The following CAPN2 variants were observed in gnomAD, a reference collection of about 807,000 sequenced individuals.
CAPN2 encodes calpain 2.
CAPN2 carries 92 observed loss-of-function variants against 102.3 expected under a neutral mutation model. The ratio of observed to expected loss-of-function variants is 0.90; its 90% confidence interval spans 0.76 to 1.07. CAPN2 has a LOEUF of 1.07. Ranked by LOEUF, CAPN2 falls within the 50% of genes least tolerant of loss-of-function variation. The pLI is 0.00. For synonymous variants in CAPN2, 340 were observed against 355.4 expected (o/e 0.96, Z 0.49); for missense variants, 800 against 909.4 (o/e 0.88, Z 1.55).
rs952150473 is a variant in CAPN2 at position 223,731,822 on chromosome 1, T to C, written c.308-12278T>C. ...GCATCTGGGAGTCTGGGCTGCCCCG[T>C]AGCAGCTCTGTGTTCTGCCTGCTCT... On this transcript the variant is annotated intron_variant, in intron 2 of 20. Transcript: ENST00000295006. The surrounding 1 kb of genome is among the most constrained non-coding windows in gnomAD (Gnocchi z 4.2). Among the ~76,000 whole-genome samples the C allele has an allele frequency of 6.6e-6, 1 of 152,180 alleles. No individual in the cohort carries two copies. The highest frequency in any genetic ancestry group is 2.4e-5 in the African/African-American group (1 of 41,450).
Position 223,775,918 on chromosome 1 carries a change from A to ACTT in CAPN2, c.*1062_*1064dup, listed in dbSNP as rs1661607362. 1 of 152,642 alleles carries ACTT rather than the reference A, an allele frequency of 6.6e-6. No individual in the cohort carries two copies. The allele number at this position is 152,642 out of a possible 1,614,324, so 9.5% of individuals were successfully genotyped here. A position where few individuals can be genotyped will look rare whatever the true frequency, so the allele number is the denominator to read the frequency against. On this transcript the variant is annotated 3_prime_UTR_variant, in exon 21 of 21. Transcript: ENST00000295006. ...GAGCACACAATTATAGCTTGTTTCTACTTTAACAAGGTATGCTGCCTCTGT... is the reference window on the plus strand; with the variant it reads ...GAGCACACAATTATAGCTTGTTTCTACTTCTTTAACAAGGTATGCTGCCTCTGT...
At chr1:223,710,314 A>AAC (rs1475956149), upstream of CAPN2, among the ~76,000 whole-genome samples, 158 of 152,034 alleles carry the variant, frequency 1.0e-3, no homozygotes, top group African/African-American at 2.3e-3. Flanking sequence ...ACAACAACAA[A>AAC]AACAATGAAA....
intron 1 of CAPN2, 55 bp downstream of exon 1, chr1:223,712,932 G>T (rs972938197): frequency 1.6e-6 from 2 of 1,259,168 alleles, no homozygotes. Flanking sequence ...AGGGCGGGGT[G>T]CAGGCCGGCC....
chr1:223,761,314 T>G (rs1661178888), intron 12 of CAPN2, among the ~76,000 whole-genome samples: 2 of 152,186 alleles, frequency 1.3e-5, no homozygotes, highest in South Asian at 4.1e-4. Context: ...CTGCCTTTAT[T>G]TTTGCTGTTT....
At chr1:223,707,883 C>G (rs1571773982), upstream of CAPN2, among the ~76,000 whole-genome samples, 1 of 152,336 alleles carries the variant, frequency 6.6e-6, no homozygotes, top group Middle Eastern at 3.4e-3. Context: ...GGAGGAGTCA[C>G]TTCCTCCAGA....
intron 12 of CAPN2, 111 bp from the exon 13 acceptor site, chr1:223,761,470 C>A: frequency 1.2e-6 from 1 of 807,322 alleles, no homozygotes. Context: ...CCCTGCCCCA[C>A]CCCACCTACC....
intron 6 of CAPN2, 74 bp downstream of exon 6, chr1:223,749,196 C>A: frequency 1.5e-6 from 2 of 1,327,758 alleles, no homozygotes; most frequent in Non-Finnish European, 2.2e-6. Flanking sequence ...TGTGGTGATG[C>A]CCAGGGGCCC....
intron 18 of CAPN2, 69 bp downstream of exon 18, chr1:223,770,594 A>T: frequency 9.8e-7 from 1 of 1,021,028 alleles, no homozygotes; most frequent in Non-Finnish European, 1.5e-6. Context: ...CACTCATCTT[A>T]TACCATATAA....
At chr1:223,746,247 A>G (rs1217065404) in intron 4 of CAPN2, among the ~76,000 whole-genome samples, 1 of 152,150 alleles carries the variant, frequency 6.6e-6, no homozygotes, top group African/African-American at 2.4e-5. Context: ...CAGGGAAGCC[A>G]CCGGACTCCA....
intron 16 of CAPN2, among the ~76,000 whole-genome samples, chr1:223,766,785 C>T (rs1173842603): frequency 3.3e-5 from 5 of 152,116 alleles, no homozygotes; most frequent in Non-Finnish European, 5.9e-5. Context: ...CATGGTGAAA[C>T]CTTGTCTCTA....
intron 4 of CAPN2, 148 bp from the exon 5 acceptor site, chr1:223,746,849 G>A (rs1232417230): frequency 5.3e-6 from 3 of 568,654 alleles, no homozygotes; most frequent in Non-Finnish European, 8.8e-6. Flanking sequence ...GCCTTCCTGA[G>A]CACCCCGAGC....
At chr1:223,706,276 C>T (rs1351440282) in intron 1 of CAPN2, among the ~76,000 whole-genome samples, 1 of 152,200 alleles carries the variant, frequency 6.6e-6, no homozygotes, top group African/African-American at 2.4e-5. Context: ...CTCTTGGAAT[C>T]CCTCCAGAAG....
At chr1:223,772,006 T>G in intron 19 of CAPN2, 81 bp downstream of exon 19, 1 of 1,147,914 alleles carries the variant, frequency 8.7e-7, no homozygotes, top group Non-Finnish European at 1.3e-6. Flanking sequence ...TGAAATCATC[T>G]AAACTAGAGA....
At chr1:223,709,553 G>A (rs1358530155), upstream of CAPN2, among the ~76,000 whole-genome samples, 5 of 151,992 alleles carry the variant, frequency 3.3e-5, no homozygotes, top group African/African-American at 4.8e-5. Context: ...CCAACTACTC[G>A]GGAGGCTGAG....
chr1:223,762,906 C>G (rs1661223045), intron 14 of CAPN2, among the ~76,000 whole-genome samples: 2 of 152,042 alleles, frequency 1.3e-5, no homozygotes, highest in African/African-American at 4.8e-5. Flanking sequence ...CCAGGCTGCT[C>G]TGGAACTCCT....
At position 223,764,220 on chromosome 1, in the gene CAPN2, T is replaced by A; in HGVS notation, c.1690+13T>A. 1.2e-6 allele frequency: 2 copies of A among 1,611,006 alleles called. No homozygotes were observed. Among genetic ancestry groups the A allele is most frequent in the Admixed American group, 3.3e-5 (2 of 59,996 alleles). On this transcript the variant is annotated intron_variant, in intron 15 of 20. Transcript: ENST00000295006. Reference sequence around the variant, plus strand: ...GTTCTAGCAAAGCGTGAGTATCCCCTCATTGCAAAACCTCATCCTGCTCTT... The same window carrying A: ...GTTCTAGCAAAGCGTGAGTATCCCCACATTGCAAAACCTCATCCTGCTCTT...
chr1:223,742,524 T>A (rs1172511990), intron 2 of CAPN2, among the ~76,000 whole-genome samples: 354 of 106,550 alleles, frequency 3.3e-3, no homozygotes, highest in African/African-American at 0.016. Flanking sequence ...ATATATTTTT[T>A]TTTTTTTTTT....
chr1:223,711,447 T>C (rs540073261), upstream of CAPN2, among the ~76,000 whole-genome samples: 11 of 152,338 alleles, frequency 7.2e-5, no homozygotes, highest in South Asian at 8.3e-4. Context: ...ATCCTGCCAG[T>C]TAAATATGAG....
chr1:223,760,395 C>T (rs1661155700), intron 12 of CAPN2, among the ~76,000 whole-genome samples: 1 of 152,134 alleles, frequency 6.6e-6, no homozygotes, highest in Non-Finnish European at 1.5e-5. Flanking sequence ...CTGCCCTTGC[C>T]CCAAGATAAT....
Sources: allele counts gnomAD v4.1 joint callset (sites outside exome capture counted in the v4.1 genomes callset), GRCh38; gene constraint gnomAD v4.1.1; non-coding constraint Gnocchi (gnomAD v3.1); transcripts MANE v1.5; gene names NCBI Gene and HGNC (gene_info 2026-07-23, HGNC 2026-07-21).